The following ROBO2 variants were observed in gnomAD, a reference collection of about 807,000 sequenced individuals.
ROBO2 encodes roundabout homolog 2.
Under a neutral mutation model 160.8 loss-of-function variants are expected in ROBO2, and 53 were observed. The observed-to-expected ratio is 0.33, with a 90% CI of 0.26 to 0.41. The LOEUF is 0.41. Among genes scored for constraint, ROBO2 ranks in the 10% least tolerant of loss-of-function variants. The pLI is 1.00. For missense variants in ROBO2, 1,577 were observed against 1,722.4 expected, an observed-to-expected ratio of 0.92 and a Z score of 1.49; for synonymous variants, 664 against 611.7, an observed-to-expected ratio of 1.09 and a Z score of -1.26.
At chr3:76,434,762 C>G in intron 2 of ROBO2, 1 of 1,214,170 alleles carries the variant, frequency 8.2e-7, no homozygotes, top group East Asian at 2.3e-5. Flanking sequence ...CCGCTTCCTG[C>G]TCAGCCCTGT....
At chr3:77,281,854 T>C (rs2060260720) in intron 2 of ROBO2, among the ~76,000 whole-genome samples, 2 of 152,058 alleles carry the variant, frequency 1.3e-5, no homozygotes, top group Admixed American at 1.3e-4. Context: ...ACATACGCAG[T>C]TCACAATAGG....
In ROBO2 at chr3:77,136,229, CATTGA is replaced by C. The variant is rs1291288154; in HGVS notation, c.388+37891_388+37895del. ...GGAGGCAGTAAGATAATTAAGGAGACATTGAAAGTAGACTTCAGAGTTCTTTTCAT... is the reference window on the plus strand; with the variant it reads ...GGAGGCAGTAAGATAATTAAGGAGACAAGTAGACTTCAGAGTTCTTTTCAT... On this transcript the variant is annotated intron_variant, in intron 2 of 25. Transcript: ENST00000461745. Among the ~76,000 whole-genome samples the C allele has an allele frequency of 5.3e-5, 8 of 152,164 alleles. 1 individual carries two copies. In the South Asian group the frequency reaches 1.2e-3, roughly 24 times the overall value.
At chr3:76,955,310 C>T (rs1399074090) in intron 2 of ROBO2, among the ~76,000 whole-genome samples, 2 of 152,124 alleles carry the variant, frequency 1.3e-5, no homozygotes, top group Non-Finnish European at 2.9e-5. Flanking sequence ...ATGAATAATG[C>T]TGCAAGAAAT....
intron 2 of ROBO2, among the ~76,000 whole-genome samples, chr3:76,762,566 A>G (rs1462578456): frequency 6.6e-6 from 1 of 151,484 alleles, no homozygotes; most frequent in African/African-American, 2.4e-5. Flanking sequence ...TGGTCGGATT[A>G]TAAATTGTAT....
At chr3:76,764,269 GA>G (rs62849360) in intron 2 of ROBO2, among the ~76,000 whole-genome samples, 127,046 of 151,542 alleles carry the variant, frequency 0.84, 53,350 homozygotes, top group Admixed American at 0.86. Flanking sequence ...GTCAACACCT[GA>G]TTTCAATCCA....
intron 2 of ROBO2, among the ~76,000 whole-genome samples, chr3:76,627,136 AG>A (rs2089702675): frequency 6.6e-6 from 1 of 152,318 alleles, no homozygotes; most frequent in African/African-American, 2.4e-5. Context: ...ATACTTTCCA[AG>A]TTTAACATGC....
At chr3:76,446,219 A>G (rs1270727194) in intron 2 of ROBO2, among the ~76,000 whole-genome samples, 1 of 152,170 alleles carries the variant, frequency 6.6e-6, no homozygotes, top group African/African-American at 2.4e-5. Context: ...AATGTGCAAA[A>G]ATCACAAGCA....
At chr3:77,157,266 C>T (rs2078099582) in intron 2 of ROBO2, among the ~76,000 whole-genome samples, 1 of 152,046 alleles carries the variant, frequency 6.6e-6, no homozygotes, top group Non-Finnish European at 1.5e-5. Flanking sequence ...ACTAAGAGAT[C>T]CCATACTTAA....
chr3:77,169,158 C>G (rs1011269645), intron 2 of ROBO2, among the ~76,000 whole-genome samples: 2 of 152,134 alleles, frequency 1.3e-5, no homozygotes, highest in Non-Finnish European at 2.9e-5. Context: ...AAATATGTGT[C>G]CGTGTTCTTA....
At chr3:77,469,876 G>T (rs1481312113) in intron 2 of ROBO2, among the ~76,000 whole-genome samples, 1 of 152,136 alleles carries the variant, frequency 6.6e-6, no homozygotes, top group Non-Finnish European at 1.5e-5. Flanking sequence ...GACATTATTT[G>T]GTTAACTTTT....
chr3:77,439,617 G>A (rs999698984), intron 2 of ROBO2, among the ~76,000 whole-genome samples: 1 of 152,104 alleles, frequency 6.6e-6, no homozygotes, highest in African/African-American at 2.4e-5. Flanking sequence ...AGGGTTCCTT[G>A]TATTAATGCA....
intron 2 of ROBO2, among the ~76,000 whole-genome samples, chr3:76,199,226 C>T (rs1575837691): frequency 6.6e-6 from 1 of 152,146 alleles, no homozygotes; most frequent in East Asian, 1.9e-4. Flanking sequence ...TGTACCATAG[C>T]AGTAAGTGAG....
At chr3:76,362,240 C>T (rs1413476033) in intron 2 of ROBO2, among the ~76,000 whole-genome samples, 2 of 151,728 alleles carry the variant, frequency 1.3e-5, no homozygotes, top group East Asian at 2.0e-4. Context: ...GAGGCTCCTG[C>T]GTAGTCCCAG....
At chr3:76,416,091 A>G (rs2075746473) in intron 2 of ROBO2, among the ~76,000 whole-genome samples, 1 of 152,136 alleles carries the variant, frequency 6.6e-6, no homozygotes, top group Non-Finnish European at 1.5e-5. Context: ...CTAAAGCAAT[A>G]TGTTATTTTT....
chr3:77,192,343 C>T (rs1035766959), intron 2 of ROBO2, among the ~76,000 whole-genome samples: 3 of 151,904 alleles, frequency 2.0e-5, no homozygotes, highest in African/African-American at 4.8e-5. Flanking sequence ...TCATAAAGTC[C>T]GTGGGTCATA....
intron 2 of ROBO2, among the ~76,000 whole-genome samples, chr3:76,505,704 C>G (rs1200332920): frequency 6.6e-6 from 1 of 152,070 alleles, no homozygotes. Context: ...CTAGAAAGAG[C>G]CAAGAAACAT....
At chr3:76,950,740 T>G (rs2078905600) in intron 2 of ROBO2, among the ~76,000 whole-genome samples, 1 of 152,078 alleles carries the variant, frequency 6.6e-6, no homozygotes, top group Non-Finnish European at 1.5e-5. Flanking sequence ...TGTTTGTTTG[T>G]TTTTGAGACA....
chr3:76,808,245 AC>A (rs1292449849), intron 2 of ROBO2, among the ~76,000 whole-genome samples: 1 of 152,078 alleles, frequency 6.6e-6, no homozygotes, highest in Non-Finnish European at 1.5e-5. Flanking sequence ...ATAACACAGG[AC>A]CCCTGTCCTT....
At chr3:76,032,559 T>G (rs2066960915) in intron 2 of ROBO2, among the ~76,000 whole-genome samples, 1 of 152,214 alleles carries the variant, frequency 6.6e-6, no homozygotes, top group South Asian at 2.1e-4. Context: ...ATGTTGTGTC[T>G]TTGTTCTCAT....
Sources: gnomAD v4.1 joint callset for allele counts (sites outside exome capture counted in the v4.1 genomes callset) on GRCh38, gnomAD v4.1.1 for gene constraint, MANE v1.5 for transcripts, NCBI Gene and HGNC (gene_info 2026-07-23, HGNC 2026-07-21) for gene names.